Variants in DTNBP1 observed in about 807,000 individuals in gnomAD.
DTNBP1 encodes dystrobrevin binding protein 1.
In DTNBP1, 35 loss-of-function variants were observed where a neutral mutation model predicts 42.8. The observed-to-expected ratio is 0.82, with a 90% CI of 0.63 to 1.09. The LOEUF is 1.09. Among genes scored for constraint, DTNBP1 ranks in the 50% least tolerant of loss-of-function variants. The probability of loss-of-function intolerance (pLI) is 0.00; values close to 1 mark genes in which losing one functional copy is unlikely to be tolerated. For synonymous variants in DTNBP1, 171 were observed against 162.2 expected (o/e 1.05, Z -0.41); for missense variants, 457 against 424.2 (o/e 1.08, Z -0.68).
chr6:15,579,828 G>C (rs559553294), intron 7 of DTNBP1: 180 of 454,694 alleles, frequency 4.0e-4, no homozygotes, highest in South Asian at 1.7e-3. Context: ...AAAAAGAAAA[G>C]AGTGAATTTT....
chr6:15,537,664 C>T (rs1416594468), intron 7 of DTNBP1, among the ~76,000 whole-genome samples: 1 of 152,128 alleles, frequency 6.6e-6, no homozygotes, highest in African/African-American at 2.4e-5. Context: ...CATGCTGTTC[C>T]TGTGATAGTG....
chr6:15,582,387 T>G (rs1178911634), intron 7 of DTNBP1, among the ~76,000 whole-genome samples: 3 of 152,202 alleles, frequency 2.0e-5, no homozygotes, highest in African/African-American at 4.8e-5. Context: ...CAGGGTTGTT[T>G]TGATACTACT....
intron 1 of DTNBP1, 142 bp downstream of exon 1, chr6:15,662,672 A>T: frequency 8.0e-7 from 1 of 1,251,022 alleles, no homozygotes; most frequent in African/African-American, 1.5e-5. Context: ...GAAGTTCGTT[A>T]CTTTCCTCGG....
intron 1 of DTNBP1, among the ~76,000 whole-genome samples, chr6:15,654,902 T>G (rs538324904): frequency 6.6e-6 from 1 of 152,364 alleles, no homozygotes; most frequent in South Asian, 2.1e-4. Context: ...AGTGTTAATT[T>G]TATTAGTTAT....
At chr6:15,566,700 CCT>C (rs1491367080) in intron 7 of DTNBP1, among the ~76,000 whole-genome samples, 9 of 146,206 alleles carry the variant, frequency 6.2e-5, no homozygotes, top group African/African-American at 1.8e-4. Context: ...GAATGAATCT[CCT>C]TTTTTTTTTT....
intron 3 of DTNBP1, among the ~76,000 whole-genome samples, chr6:15,640,175 A>G (rs984887681): frequency 3.9e-5 from 6 of 152,352 alleles, no homozygotes; most frequent in South Asian, 4.1e-4. Context: ...CCAACCTCGC[A>G]TGGGCCTTAG....
At chr6:15,558,894 A>G (rs1214608346) in intron 7 of DTNBP1, among the ~76,000 whole-genome samples, 1 of 152,174 alleles carries the variant, frequency 6.6e-6, no homozygotes, top group African/African-American at 2.4e-5. Context: ...TCTTAAATAA[A>G]TGTCGTTATG....
chr6:15,638,617 C>G (rs1212659850), intron 3 of DTNBP1, among the ~76,000 whole-genome samples: 1 of 152,170 alleles, frequency 6.6e-6, no homozygotes, highest in African/African-American at 2.4e-5. Flanking sequence ...ACAGTGTTAA[C>G]TGAGGACAAA....
chr6:15,636,228 G>T lies in DTNBP1; in HGVS notation c.222+1516C>A, dbSNP rs571497008. 3.4e-5 allele frequency among the ~76,000 whole-genome samples: 5 copies of T among 146,832 alleles called. No homozygotes were observed. The South Asian group carries it at 6.4e-4, about 19-fold the overall frequency. On this transcript the variant is annotated intron_variant, in intron 4 of 9. Transcript: ENST00000344537. ...TGCAATGGTGCAATCTTGGCTCACC[G>T]TAACCTCCGCCTCCCAGGTTGAAGC...
chr6:15,564,442 C>G (rs1467163908), intron 7 of DTNBP1, among the ~76,000 whole-genome samples: 1 of 151,980 alleles, frequency 6.6e-6, no homozygotes, highest in Non-Finnish European at 1.5e-5. Context: ...AGGTCTCACT[C>G]TATTGCCCAG....
intron 6 of DTNBP1, among the ~76,000 whole-genome samples, chr6:15,606,264 G>T (rs1031379635): frequency 2.0e-5 from 3 of 152,170 alleles, no homozygotes; most frequent in African/African-American, 7.2e-5. Flanking sequence ...TTTTGTAGGG[G>T]CAGGAATGTA....
chr6:15,660,435 C>T (rs1341519274), intron 1 of DTNBP1: 4 of 1,289,662 alleles, frequency 3.1e-6, no homozygotes, highest in Non-Finnish European at 4.0e-6. Flanking sequence ...GGGAGACTGA[C>T]ATCACTTGGA....
intron 7 of DTNBP1, among the ~76,000 whole-genome samples, chr6:15,536,142 T>C (rs1254134908): frequency 6.6e-6 from 1 of 152,178 alleles, no homozygotes; most frequent in Non-Finnish European, 1.5e-5. Context: ...AAGCAAAACA[T>C]AAAAGTTTAG....
intron 7 of DTNBP1, among the ~76,000 whole-genome samples, chr6:15,589,704 C>T (rs1237469551): frequency 6.6e-6 from 1 of 152,200 alleles, no homozygotes; most frequent in Non-Finnish European, 1.5e-5. Context: ...GCCATCCTTT[C>T]CTTCTCTAAG....
chr6:15,652,138 A>G lies in DTNBP1; in HGVS notation c.59T>C (p.Leu20Pro), dbSNP rs1761035856. 1.2e-6 allele frequency: 2 copies of G among 1,605,272 alleles called. No homozygotes were observed. The highest frequency in any genetic ancestry group is 1.3e-5 in the African/African-American group (1 of 74,726). Residue 20 changes from leucine to proline, a missense_variant and splice_region_variant, in exon 2 of 10, where the codon CTG becomes CCG. Physicochemically the swap from Leu to Pro is moderately conservative, Grantham distance 98 (BLOSUM62 -3). Coordinates refer to ENST00000344537, the MANE Select transcript of DTNBP1 (RefSeq NM_032122.5). Reference sequence around the variant, plus strand: ...TCTTGACTTGTCACTTAAAGTCTTCAGCCTATAATTCAATATAAAATATAA... The same window carrying G: ...TCTTGACTTGTCACTTAAAGTCTTCGGCCTATAATTCAATATAAAATATAA... The part of the protein sequence containing the change: ...LSVQQDFTSG[L>P]KTLSDKSREA...
At chr6:15,556,886 A>G (rs1266937905) in intron 7 of DTNBP1, among the ~76,000 whole-genome samples, 8 of 152,140 alleles carry the variant, frequency 5.3e-5, no homozygotes, top group Admixed American at 3.9e-4. Context: ...GTCAGAGGTC[A>G]TTCCATCCCA....
chr6:15,594,843 C>CT (rs1344856059), intron 6 of DTNBP1, among the ~76,000 whole-genome samples: 1 of 151,834 alleles, frequency 6.6e-6, no homozygotes, highest in African/African-American at 2.4e-5. Context: ...AGCAGAATTT[C>CT]TAAAGGGCTC....
At chr6:15,619,951 A>G (rs1277563096) in intron 5 of DTNBP1, among the ~76,000 whole-genome samples, 1 of 149,540 alleles carries the variant, frequency 6.7e-6, no homozygotes, top group Non-Finnish European at 1.5e-5. Flanking sequence ...TTTTAACTCT[A>G]TTAAATATTT....
At chr6:15,538,864 T>C (rs1561944495) in intron 7 of DTNBP1, among the ~76,000 whole-genome samples, 1 of 152,214 alleles carries the variant, frequency 6.6e-6, no homozygotes, top group Non-Finnish European at 1.5e-5. Flanking sequence ...CAAGGCATTG[T>C]TTCCTCTGGT....
Sources: allele counts gnomAD v4.1 joint callset (sites outside exome capture counted in the v4.1 genomes callset), GRCh38; gene constraint gnomAD v4.1.1; transcripts MANE v1.5; gene names NCBI Gene and HGNC (gene_info 2026-07-23, HGNC 2026-07-21).